EYA4: variants seen among roughly 807,000 people sequenced by gnomAD.
EYA4 encodes the protein EYA transcriptional coactivator and phosphatase 4, also known as protein phosphatase EYA4.
A neutral mutation model predicts 87.9 loss-of-function variants in EYA4; 31 were observed. That is an observed-to-expected ratio of 0.35 (90% confidence interval 0.27 to 0.48). EYA4 has a LOEUF of 0.48. EYA4 is among the 20% of genes least tolerant of loss of function. The probability of loss-of-function intolerance (pLI) is 0.99; values close to 1 mark genes in which losing one functional copy is unlikely to be tolerated. For missense variants in EYA4, 678 were observed against 761.4 expected (o/e 0.89, Z 1.29); for synonymous variants, 263 against 270.6 (o/e 0.97, Z 0.28).
At chr6:133,324,569 A>G (rs547337813) in intron 2 of EYA4, among the ~76,000 whole-genome samples, 2 of 152,086 alleles carry the variant, frequency 1.3e-5, no homozygotes, top group African/African-American at 2.4e-5. Flanking sequence ...TATTTTTTCT[A>G]TTTTTATAAA....
At chr6:133,358,121 T>C (rs1030281623) in intron 2 of EYA4, among the ~76,000 whole-genome samples, 1 of 152,168 alleles carries the variant, frequency 6.6e-6, no homozygotes, top group Admixed American at 6.5e-5. Context: ...TTAATTTTAT[T>C]GAAGTTTATG....
intron 2 of EYA4, among the ~76,000 whole-genome samples, chr6:133,313,037 T>A (rs1780351867): frequency 6.6e-6 from 1 of 152,192 alleles, no homozygotes; most frequent in Non-Finnish European, 1.5e-5. Context: ...TTTATTTTCA[T>A]TTTCTTCTTA....
chr6:133,333,653 A>G (rs1016678432), intron 2 of EYA4, among the ~76,000 whole-genome samples: 1 of 152,208 alleles, frequency 6.6e-6, no homozygotes, highest in Non-Finnish European at 1.5e-5. Context: ...CAACTGGTTC[A>G]ATATTTTAGC....
At chr6:133,272,413 A>G (rs1159081798) in intron 1 of EYA4, among the ~76,000 whole-genome samples, 1 of 152,180 alleles carries the variant, frequency 6.6e-6, no homozygotes. Context: ...CATATATGCT[A>G]CTTTCATTTG....
chr6:133,443,968 A>G (rs558195215), intron 3 of EYA4, among the ~76,000 whole-genome samples: 1 of 152,352 alleles, frequency 6.6e-6, no homozygotes, highest in East Asian at 1.9e-4. Context: ...TAGATGTTCC[A>G]TGTGCACTTG....
Position 133,531,066 on chromosome 6 carries a change from A to G in EYA4, c.*2261A>G, listed in dbSNP as rs568204536. The G allele has an allele frequency of 1.4e-6, 2 of 1,407,764 alleles. No homozygotes were observed. Among genetic ancestry groups the G allele is most frequent in the South Asian group, 1.6e-5 (1 of 61,858 alleles). 87.2% of individuals were successfully genotyped at this position (1,407,764 alleles called of 1,614,324 possible). On this transcript the variant is annotated 3_prime_UTR_variant, in exon 20 of 20. Coordinates refer to ENST00000355286, the MANE Select transcript of EYA4 (RefSeq NM_004100.5). ...TACATCTAAATTTGTAAGTCTTTTC[A>G]TATCAAACAAGCAAGGCTTTTTATG...
At chr6:133,241,916 G>A (rs1474968265) in intron 1 of EYA4, among the ~76,000 whole-genome samples, 167 bp downstream of exon 1, 1 of 152,198 alleles carries the variant, frequency 6.6e-6, no homozygotes, top group African/African-American at 2.4e-5. Context: ...CGTCCCCGGG[G>A]GGCGCTTGGA....
intron 11 of EYA4, among the ~76,000 whole-genome samples, chr6:133,479,580 AATT>A (rs1427815970): frequency 6.6e-6 from 1 of 152,140 alleles, no homozygotes; most frequent in Non-Finnish European, 1.5e-5. Context: ...GTTTTATTTT[AATT>A]TTTAAATTTA....
chr6:133,255,535 G>A (rs1437969925), intron 1 of EYA4, among the ~76,000 whole-genome samples: 2 of 151,996 alleles, frequency 1.3e-5, no homozygotes, highest in Non-Finnish European at 2.9e-5. Context: ...AGTAAAAAGT[G>A]GATTTACTCA....
Position 133,530,900 on chromosome 6 carries a change from T to A in EYA4, c.*2095T>A. 1 of 1,088,952 alleles carries A rather than the reference T, an allele frequency of 9.2e-7. No homozygotes were observed. Among genetic ancestry groups the A allele is most frequent in the Non-Finnish European group, 1.1e-6 (1 of 896,220 alleles). 67.5% of individuals were successfully genotyped at this position (1,088,952 alleles called of 1,614,324 possible). On this transcript the variant is annotated 3_prime_UTR_variant, in exon 20 of 20. Transcript: ENST00000355286. Reference sequence around the variant, plus strand: ...TGGCCCTTAGCTTGAAAATAGCAGTTAAAAAAATTTAAATGTTGCCTTGAT... The same window carrying A: ...TGGCCCTTAGCTTGAAAATAGCAGTAAAAAAAATTTAAATGTTGCCTTGAT...
chr6:133,401,616 A>G (rs1788270143), intron 3 of EYA4, among the ~76,000 whole-genome samples: 1 of 152,134 alleles, frequency 6.6e-6, no homozygotes, highest in Admixed American at 6.5e-5. Flanking sequence ...CTTTCTTACT[A>G]ACATCTAAGT....
At chr6:133,491,370 T>TA (rs1477088368) in intron 13 of EYA4, among the ~76,000 whole-genome samples, 1 of 152,102 alleles carries the variant, frequency 6.6e-6, no homozygotes. Context: ...AATTAAAAGT[T>TA]GGTTTTTTGA....
chr6:133,519,979 G>T (rs560140331), intron 17 of EYA4, among the ~76,000 whole-genome samples: 2 of 152,016 alleles, frequency 1.3e-5, no homozygotes, highest in African/African-American at 4.8e-5. Flanking sequence ...TTGATGGGAC[G>T]TATTTCAAAA....
intron 3 of EYA4, among the ~76,000 whole-genome samples, chr6:133,396,700 G>C (rs1308127900): frequency 6.6e-6 from 1 of 152,150 alleles, no homozygotes; most frequent in Non-Finnish European, 1.5e-5. Context: ...AAAATGAGGA[G>C]AGGGTGTGTT....
chr6:133,531,728 G>GT lies in EYA4; in HGVS notation c.*2924dup, dbSNP rs1281848035. ...GAATCATACAGTTTGCACACGACAA[G>GT]TAGGTAATAACTGTCTCTAAAAATG... On this transcript the variant is annotated 3_prime_UTR_variant, in exon 20 of 20. Coordinates refer to ENST00000355286, the MANE Select transcript of EYA4 (RefSeq NM_004100.5). 1 of 153,046 alleles carries GT rather than the reference G, an allele frequency of 6.5e-6. No individual in the cohort carries two copies. Among genetic ancestry groups the GT allele is most frequent in the Non-Finnish European group, 1.5e-5 (1 of 68,596 alleles). 9.5% of individuals were successfully genotyped at this position (153,046 alleles called of 1,614,324 possible).
At position 133,267,068 on chromosome 6, in the gene EYA4, G is replaced by T. The variant is rs1016928095; in HGVS notation, c.-65-7648G>T. 2.0e-5 allele frequency among the ~76,000 whole-genome samples: 3 copies of T among 152,222 alleles called. No individual in the cohort carries two copies. The East Asian group carries it at 5.8e-4, about 29-fold the overall frequency. ...GTAGAAGAAGTGAAAGAGGCCATTTGCAGAGTCTACCATGAAAATTCATTT... is the reference window on the plus strand; with the variant it reads ...GTAGAAGAAGTGAAAGAGGCCATTTTCAGAGTCTACCATGAAAATTCATTT... On this transcript the variant is annotated intron_variant, in intron 1 of 19. Coordinates refer to ENST00000355286, the MANE Select transcript of EYA4 (RefSeq NM_004100.5).
At chr6:133,293,374 T>TTA (rs1554219145) in intron 2 of EYA4, among the ~76,000 whole-genome samples, 1 of 152,182 alleles carries the variant, frequency 6.6e-6, no homozygotes, top group Non-Finnish European at 1.5e-5. Context: ...ATTCCTTTTT[T>TTA]TATATATATA....
chr6:133,375,751 ATTAT>A (rs1785629845), intron 2 of EYA4, among the ~76,000 whole-genome samples: 2 of 151,890 alleles, frequency 1.3e-5, no homozygotes, highest in Admixed American at 1.3e-4. Context: ...TTTAAATTAC[ATTAT>A]TTAATTTAAA....
intron 3 of EYA4, among the ~76,000 whole-genome samples, chr6:133,387,699 T>G (rs1786871196): frequency 6.6e-6 from 1 of 152,204 alleles, no homozygotes; most frequent in South Asian, 2.1e-4. Flanking sequence ...ATGATAGATA[T>G]TCTAATAGTT....
Sources: allele counts gnomAD v4.1 joint callset (sites outside exome capture counted in the v4.1 genomes callset), GRCh38; gene constraint gnomAD v4.1.1; transcripts MANE v1.5; gene names NCBI Gene and HGNC (gene_info 2026-07-23, HGNC 2026-07-21).